The following SUSD1 variants were observed in gnomAD, a reference collection of about 807,000 sequenced individuals.
SUSD1 encodes sushi domain-containing protein 1.
A neutral mutation model predicts 86.9 loss-of-function variants in SUSD1; 65 were observed. The ratio of observed to expected loss-of-function variants is 0.75; its 90% CI spans 0.61 to 0.92. SUSD1 has a LOEUF of 0.92. SUSD1 is among the 40% of genes least tolerant of loss of function. The pLI is 0.00. For synonymous variants in SUSD1, 346 were observed against 350.0 expected (o/e 0.99, Z 0.13); for missense variants, 850 against 929.7 (o/e 0.91, Z 1.11).
At chr9:112,059,211 G>C (rs1828598271) in intron 13 of SUSD1, among the ~76,000 whole-genome samples, 1 of 152,196 alleles carries the variant, frequency 6.6e-6, no homozygotes, top group Non-Finnish European at 1.5e-5. Context: ...GAACCTAAAG[G>C]GTTAATGCCA....
At chr9:112,137,047 G>A (rs1832295609) in intron 5 of SUSD1, among the ~76,000 whole-genome samples, 2 of 152,150 alleles carry the variant, frequency 1.3e-5, no homozygotes, top group Non-Finnish European at 2.9e-5. Flanking sequence ...TCTCATCTTG[G>A]TGCATAAGCT....
rs562516875 is a variant in SUSD1 at position 112,164,976 on chromosome 9, A to C, written c.104-7363T>G. On this transcript the variant is annotated intron_variant, in intron 1 of 16. Coordinates refer to ENST00000374270, the MANE Select transcript of SUSD1 (RefSeq NM_022486.5). ...AAAACAAAACAAACAAACAAACAAA[A>C]AAATACCTGGGGATCTTAACCTTTG... is the stretch of plus-strand genomic sequence containing the variant. Among the ~76,000 whole-genome samples, 16 of 152,296 alleles carry C rather than the reference A, an allele frequency of 1.1e-4. No homozygotes were observed. The South Asian group carries it at 1.5e-3, about 14-fold the overall frequency.
At chr9:112,106,371 A>G (rs1326616571) in intron 8 of SUSD1, among the ~76,000 whole-genome samples, 1 of 152,188 alleles carries the variant, frequency 6.6e-6, no homozygotes, top group Non-Finnish European at 1.5e-5. Flanking sequence ...TTCCAAGAAC[A>G]AAAGTTTATG....
At chr9:112,147,672 A>G (rs1832864404) in intron 3 of SUSD1, among the ~76,000 whole-genome samples, 1 of 151,920 alleles carries the variant, frequency 6.6e-6, no homozygotes, top group Admixed American at 6.6e-5. Context: ...AGGAGGCTGA[A>G]GCAGGAGAAT....
chr9:112,082,421 T>C (rs1829805876), intron 10 of SUSD1, among the ~76,000 whole-genome samples: 1 of 152,190 alleles, frequency 6.6e-6, no homozygotes, highest in Non-Finnish European at 1.5e-5. Flanking sequence ...ATGAGCTCAA[T>C]GTGATTACAA....
Position 112,124,452 on chromosome 9 carries a change from A to G in SUSD1, c.707-16T>C. ...CAGTTGATCTCTGCAATGGGAACCA[A>G]GACAGCACTGGTTATAAGCCCTGAC... On this transcript the variant is annotated splice_polypyrimidine_tract_variant and intron_variant, in intron 5 of 16. Transcript: ENST00000374270. 1 of 1,608,442 alleles carries G rather than the reference A, an allele frequency of 6.2e-7. No individual in the cohort carries two copies. The highest frequency in any genetic ancestry group is 8.5e-7 in the Non-Finnish European group (1 of 1,176,584).
At chr9:112,043,717 T>A (rs1201395077) in intron 15 of SUSD1, among the ~76,000 whole-genome samples, 1 of 152,188 alleles carries the variant, frequency 6.6e-6, no homozygotes, top group Non-Finnish European at 1.5e-5. Context: ...TGGCTTATAT[T>A]ATTTGGTTGC....
intron 9 of SUSD1, among the ~76,000 whole-genome samples, chr9:112,100,235 G>A (rs1200153167): frequency 2.0e-5 from 3 of 152,056 alleles, no homozygotes; most frequent in Admixed American, 2.0e-4. Flanking sequence ...CGCCCAGGCT[G>A]GAGTACAGTG....
intron 8 of SUSD1, among the ~76,000 whole-genome samples, chr9:112,107,697 A>G (rs978150133): frequency 6.6e-6 from 1 of 152,216 alleles, no homozygotes; most frequent in Non-Finnish European, 1.5e-5. Context: ...TATTACTTTC[A>G]ACATATAATT....
At chr9:112,118,034 C>T (rs1298433920) in intron 6 of SUSD1, among the ~76,000 whole-genome samples, 3 of 152,166 alleles carry the variant, frequency 2.0e-5, no homozygotes, top group East Asian at 3.8e-4. Context: ...TGTGCAAGGA[C>T]AGGGGCTGGT....
At chr9:112,158,904 T>C (rs1219578359) in intron 1 of SUSD1, among the ~76,000 whole-genome samples, 2 of 152,174 alleles carry the variant, frequency 1.3e-5, no homozygotes, top group East Asian at 1.9e-4. Context: ...TATATTTTTA[T>C]TGACTGCCTG....
intron 5 of SUSD1, among the ~76,000 whole-genome samples, chr9:112,132,952 C>G (rs142077118): frequency 1.4e-4 from 21 of 152,210 alleles, no homozygotes; most frequent in African/African-American, 4.6e-4. Flanking sequence ...GTCTCAATAT[C>G]TAGCAAGTTG....
At chr9:112,064,065 G>A (rs1301067831) in intron 12 of SUSD1, among the ~76,000 whole-genome samples, 1 of 136,266 alleles carries the variant, frequency 7.3e-6, no homozygotes, top group Non-Finnish European at 1.6e-5. Context: ...GGCGGGTGGG[G>A]GCTGCCTGAA....
intron 12 of SUSD1, among the ~76,000 whole-genome samples, chr9:112,076,022 T>G (rs375722441): frequency 8.6e-5 from 13 of 151,968 alleles, no homozygotes; most frequent in African/African-American, 3.1e-4. Context: ...CAGGGGGAGA[T>G]GAATTAGAAG....
intron 15 of SUSD1, among the ~76,000 whole-genome samples, chr9:112,050,924 C>T (rs929297804): frequency 2.6e-5 from 4 of 152,206 alleles, no homozygotes; most frequent in Admixed American, 2.0e-4. Flanking sequence ...AGCTATACAG[C>T]GCTCAGCAGA....
At chr9:112,156,900 G>A (rs1292605656) in intron 2 of SUSD1, among the ~76,000 whole-genome samples, 2 of 152,170 alleles carry the variant, frequency 1.3e-5, no homozygotes, top group African/African-American at 4.8e-5. Context: ...CCCTCTCTCT[G>A]AATTGAGCTT....
Position 112,098,646 on chromosome 9 carries a change from T to C in SUSD1, c.1298A>G (p.Gln433Arg), listed in dbSNP as rs1205001227. 1.2e-6 allele frequency: 2 copies of C among 1,614,216 alleles called. No homozygotes were observed. The highest frequency in any genetic ancestry group is 1.1e-5 in the South Asian group (1 of 91,088). The change falls in exon 10 of 17, where the codon CAG (glutamine) becomes CGG (arginine). Residue 433 changes from glutamine to arginine, a missense_variant. Transcript: ENST00000374270. ...AGAAAAGTTAGCCAGATACCACCTC[T>C]GACCCAGAACGGTAAACTGTCATGA... ...EHMYQFTVLG[Q>R]RWYLANFSHA...
In SUSD1 at chr9:112,149,405, GAC is replaced by G; in HGVS notation, c.218-8_218-7del. The G allele has an allele frequency of 6.2e-7, 1 of 1,613,540 alleles. No homozygotes were observed. The highest frequency in any genetic ancestry group is 8.5e-7 in the Non-Finnish European group (1 of 1,179,742). On this transcript the variant is annotated splice_polypyrimidine_tract_variant and splice_region_variant and intron_variant, in intron 2 of 16. Transcript: ENST00000374270. ...AAACTGGCACTCATTTTTATCTGTT[GAC>G]ACACAGACAAGGCACCGGAAGAGCT...
chr9:112,099,934 T>C (rs548353367), intron 9 of SUSD1, among the ~76,000 whole-genome samples: 63 of 152,334 alleles, frequency 4.1e-4, no homozygotes, highest in African/African-American at 1.3e-3. Context: ...AGCTCAATGC[T>C]ATGAACTTCC....
Sources: gnomAD v4.1 joint callset for allele counts (sites outside exome capture counted in the v4.1 genomes callset) on GRCh38, gnomAD v4.1.1 for gene constraint, MANE v1.5 for transcripts, NCBI Gene and HGNC (gene_info 2026-07-23, HGNC 2026-07-21) for gene names.